Variants in RHOU observed in about 807,000 individuals in gnomAD.
RHOU encodes rho-related GTP-binding protein RhoU.
RHOU carries 8 observed loss-of-function variants against 12.6 expected under a neutral mutation model. The ratio of observed to expected loss-of-function variants is 0.64; its 90% CI spans 0.37 to 1.15. The LOEUF (loss-of-function observed/expected upper bound fraction) is 1.15, where lower values mean the gene tolerates loss of function less well. RHOU is among the 50% of genes most tolerant of loss of function. The pLI is 0.01. For missense variants in RHOU, 258 were observed against 347.0 expected, an observed-to-expected ratio of 0.74 and a Z score of 2.04; for synonymous variants, 161 against 147.4, an observed-to-expected ratio of 1.09 and a Z score of -0.67.
At chr1:228,711,500 C>T in the RHOU span, among the ~76,000 whole-genome samples, 32 of 151,856 alleles carry the variant, frequency 2.1e-4, no homozygotes, top group African/African-American at 5.3e-4. Flanking sequence ...TCAGAAATAA[C>T]GCCGCATATC....
At chr1:228,742,265 G>T (rs1291055819) in intron 2 of RHOU, among the ~76,000 whole-genome samples, 1 of 152,220 alleles carries the variant, frequency 6.6e-6, no homozygotes. Context: ...TTTCTGTAAA[G>T]AAATGGTAAT....
chr1:228,725,909 GCATAAA>G, the RHOU span, among the ~76,000 whole-genome samples: 1 of 152,242 alleles, frequency 6.6e-6, no homozygotes, highest in Admixed American at 6.5e-5. Context: ...GCAGGCACAT[GCATAAA>G]AATGATCTTT....
the RHOU span, among the ~76,000 whole-genome samples, chr1:228,658,114 T>G: frequency 2.6e-5 from 4 of 151,758 alleles, no homozygotes; most frequent in African/African-American, 9.7e-5. Flanking sequence ...ACCTTGTCTC[T>G]ACAAAAAATA....
upstream of RHOU, among the ~76,000 whole-genome samples, chr1:228,732,430 G>A (rs1211848442): frequency 6.6e-6 from 1 of 152,216 alleles, no homozygotes; most frequent in Non-Finnish European, 1.5e-5. Context: ...ACCCAAATGA[G>A]TGGGTGCGGG....
At position 228,738,675 on chromosome 1, in the gene RHOU, G is replaced by A. The variant is rs1051936293; in HGVS notation, c.321+944G>A. 1.3e-5 allele frequency among the ~76,000 whole-genome samples: 2 copies of A among 152,208 alleles called. No individual in the cohort carries two copies. Among genetic ancestry groups the A allele is most frequent in the African/African-American group, 4.8e-5 (2 of 41,442 alleles). On this transcript the variant is annotated intron_variant, in intron 2 of 2. Coordinates refer to ENST00000366691, the MANE Select transcript of RHOU (RefSeq NM_021205.6). The surrounding 1 kb of genome is among the most constrained non-coding windows in gnomAD (Gnocchi z 4.2). ...CAAGTTGCTCACCTACTCTGGGACA[G>A]CAGATTCAGAGCTAAGGACAGATCT...
In RHOU at chr1:228,735,847, G is replaced by GC; in HGVS notation, c.107dup (p.Arg39ProfsTer65). On this transcript the variant is annotated frameshift_variant, in exon 1 of 3. Transcript: ENST00000366691. LOFTEE classifies it high-confidence loss of function. This position sits in a 1 kb window ranked among gnomAD's most constrained non-coding sequence, Gnocchi z 8.1. ...GACGCGGGGGACGCGGGCCTGGGGAGCCGGGGGGCCGGGGGCGTGCGGGGG... is the reference window on the plus strand; with the variant it reads ...GACGCGGGGGACGCGGGCCTGGGGAGCCCGGGGGGCCGGGGGCGTGCGGGGG... 7.6e-7 allele frequency: 1 copy of GC among 1,317,726 alleles called. No homozygotes were observed. The highest frequency in any genetic ancestry group is 9.6e-7 in the Non-Finnish European group (1 of 1,036,270). The allele number at this position is 1,317,726 out of a possible 1,614,324, so 81.6% of individuals were successfully genotyped here. A position where few individuals can be genotyped will look rare whatever the true frequency, so the allele number is the denominator to read the frequency against.
At chr1:228,726,893 C>T in the RHOU span, among the ~76,000 whole-genome samples, 1 of 152,220 alleles carries the variant, frequency 6.6e-6, no homozygotes, top group East Asian at 1.9e-4. Context: ...TTTTTGGACC[C>T]AAGATTGTGC....
At chr1:228,735,008 A>C (rs1662562256), upstream of RHOU, 1 of 152,220 alleles carries the variant, frequency 6.6e-6, no homozygotes, top group Non-Finnish European at 1.5e-5. This position sits in a 1 kb window ranked among gnomAD's most constrained non-coding sequence, Gnocchi z 8.1. Flanking sequence ...CTGTTAATTC[A>C]ATCTCATTCG....
the RHOU span, among the ~76,000 whole-genome samples, chr1:228,682,262 C>T: frequency 2.0e-5 from 3 of 152,186 alleles, no homozygotes; most frequent in East Asian, 1.9e-4. Flanking sequence ...GAGGACCTGA[C>T]GTCATAGGTG....
At chr1:228,660,348 A>G in the RHOU span, among the ~76,000 whole-genome samples, 1 of 151,122 alleles carries the variant, frequency 6.6e-6, no homozygotes, top group African/African-American at 2.5e-5. Flanking sequence ...TCCTGACCGA[A>G]AAAAATAAAA....
At chr1:228,651,681 C>T in the RHOU span, among the ~76,000 whole-genome samples, 1 of 152,334 alleles carries the variant, frequency 6.6e-6, no homozygotes, top group South Asian at 2.1e-4. Context: ...TCATTTCAAG[C>T]ATAAGGCAAT....
At chr1:228,666,027 G>A in the RHOU span, among the ~76,000 whole-genome samples, 2 of 150,658 alleles carry the variant, frequency 1.3e-5, no homozygotes, top group African/African-American at 2.4e-5. Flanking sequence ...GTGTGATCTC[G>A]GCTCACTGCA....
the RHOU span, among the ~76,000 whole-genome samples, chr1:228,713,069 C>T: frequency 2.0e-5 from 3 of 151,822 alleles, no homozygotes; most frequent in Non-Finnish European, 2.9e-5. Context: ...TGGTGTTTGA[C>T]CCATTTCCTG....
At chr1:228,646,902 C>T in the RHOU span, among the ~76,000 whole-genome samples, 1 of 151,632 alleles carries the variant, frequency 6.6e-6, no homozygotes, top group Non-Finnish European at 1.5e-5. Context: ...AGAGAGACAG[C>T]GATCGAGAGA....
chr1:228,706,433 G>T, the RHOU span, among the ~76,000 whole-genome samples: 8 of 152,220 alleles, frequency 5.3e-5, no homozygotes, highest in Admixed American at 3.9e-4. Context: ...GAAAATGGGT[G>T]AGATGCGGAA....
chr1:228,722,511 A>G, the RHOU span, among the ~76,000 whole-genome samples: 1 of 152,158 alleles, frequency 6.6e-6, no homozygotes, highest in Admixed American at 6.5e-5. Context: ...CAAACTTCGT[A>G]TGTACAAACT....
chr1:228,719,028 T>C, the RHOU span, among the ~76,000 whole-genome samples: 1 of 152,188 alleles, frequency 6.6e-6, no homozygotes, highest in African/African-American at 2.4e-5. Context: ...AGAAAGCCCT[T>C]TAATGGCATC....
At chr1:228,691,667 T>A in the RHOU span, among the ~76,000 whole-genome samples, 23 of 152,188 alleles carry the variant, frequency 1.5e-4, no homozygotes, top group African/African-American at 5.6e-4. Flanking sequence ...TCTTAGTAAT[T>A]TCCAAGTTTT....
At chr1:228,723,931 G>T in the RHOU span, among the ~76,000 whole-genome samples, 1 of 152,108 alleles carries the variant, frequency 6.6e-6, no homozygotes, top group Non-Finnish European at 1.5e-5. Flanking sequence ...TGGTCCATTT[G>T]CCTGGAACGC....
Sources: gnomAD v4.1 joint callset for allele counts (sites outside exome capture counted in the v4.1 genomes callset) on GRCh38, gnomAD v4.1.1 for gene constraint, Gnocchi (gnomAD v3.1) non-coding constraint, MANE v1.5 for transcripts, NCBI Gene and HGNC (gene_info 2026-07-23, HGNC 2026-07-21) for gene names.